TMEM266: variants seen among roughly 807,000 people sequenced by gnomAD.
The protein encoded by TMEM266 is transmembrane protein 266.
Under a neutral mutation model 50.5 loss-of-function variants are expected in TMEM266, and 33 were observed. The ratio of observed to expected loss-of-function variants is 0.65; its 90% CI spans 0.50 to 0.87. The LOEUF (loss-of-function observed/expected upper bound fraction) is 0.87. Among genes scored for constraint, TMEM266 ranks in the 40% least tolerant of loss-of-function variants. The probability of loss-of-function intolerance (pLI) is 0.00; values close to 1 mark genes in which losing one functional copy is unlikely to be tolerated. For synonymous variants in TMEM266, 310 were observed against 292.3 expected (o/e 1.06, Z -0.62); for missense variants, 655 against 695.1 (o/e 0.94, Z 0.65).
intron 1 of TMEM266, among the ~76,000 whole-genome samples, chr15:76,133,857 T>TG (rs1256392626): frequency 6.6e-6 from 1 of 152,174 alleles, no homozygotes; most frequent in Admixed American, 6.5e-5. Flanking sequence ...GATGCTGTTT[T>TG]GGGGGGCACA....
At chr15:76,096,887 G>T (rs1460763607) in intron 1 of TMEM266, among the ~76,000 whole-genome samples, 1 of 144,718 alleles carries the variant, frequency 6.9e-6, no homozygotes, top group African/African-American at 2.6e-5. Context: ...TTTGGTCTTT[G>T]TTTCTTTAAA....
At chr15:76,192,388 C>T (rs917758095) in intron 9 of TMEM266, among the ~76,000 whole-genome samples, 2 of 152,212 alleles carry the variant, frequency 1.3e-5, no homozygotes, top group Non-Finnish European at 2.9e-5. Context: ...ATGACTCGTC[C>T]CCATTTCATG....
Position 76,192,072 on chromosome 15 carries a change from C to A in TMEM266, c.873C>A (p.Arg291=). The A allele has an allele frequency of 6.8e-7, 1 of 1,480,260 alleles. No homozygotes were observed. The highest frequency in any genetic ancestry group is 2.4e-5 in the Admixed American group (1 of 41,036). The allele number at this position is 1,480,260 out of a possible 1,614,324, so 91.7% of individuals were successfully genotyped here. The change falls in exon 9 of 11, where the codon CGC becomes CGA. Residue 291 remains arginine, a synonymous_variant. Coordinates refer to ENST00000388942, the MANE Select transcript of TMEM266 (RefSeq NM_152335.3). Reference sequence around the variant, plus strand: ...CCCCGCACGTGCTCAGCCAGCCGCGCAGCCGCTTCAAAGTGTTGGAGGCCG... The same window carrying A: ...CCCCGCACGTGCTCAGCCAGCCGCGAAGCCGCTTCAAAGTGTTGGAGGCCG...
intron 8 of TMEM266, among the ~76,000 whole-genome samples, chr15:76,179,139 G>T (rs559180093): frequency 3.9e-5 from 6 of 152,314 alleles, no homozygotes; most frequent in Admixed American, 1.3e-4. Context: ...GAATAGACTT[G>T]GTTCTAAATA....
chr15:76,068,301 C>A (rs1369962523), intron 1 of TMEM266, among the ~76,000 whole-genome samples: 4 of 152,194 alleles, frequency 2.6e-5, no homozygotes, highest in Non-Finnish European at 4.4e-5. Flanking sequence ...CACAGATGAT[C>A]TCCAAAATGT....
At chr15:76,181,743 AT>A (rs372058646) in intron 8 of TMEM266, among the ~76,000 whole-genome samples, 12 of 152,190 alleles carry the variant, frequency 7.9e-5, no homozygotes, top group African/African-American at 1.9e-4. Context: ...GCCATTTTAG[AT>A]GCAGCAGTTA....
intron 6 of TMEM266, among the ~76,000 whole-genome samples, chr15:76,170,627 C>A (rs2038172995): frequency 6.6e-6 from 1 of 152,194 alleles, no homozygotes; most frequent in Admixed American, 6.5e-5. Context: ...GAAGGAGGCA[C>A]CCTGAGCCTG....
intron 9 of TMEM266, among the ~76,000 whole-genome samples, chr15:76,199,370 C>CTAATACCTTGATAG (rs2038704217): frequency 6.6e-6 from 1 of 152,224 alleles, no homozygotes; most frequent in South Asian, 2.1e-4. Flanking sequence ...GGAGAACGAT[C>CTAATACCTTGATAG]TAATACCTTG....
At chr15:76,081,996 C>A (rs1051172093) in intron 1 of TMEM266, among the ~76,000 whole-genome samples, 3 of 152,120 alleles carry the variant, frequency 2.0e-5, no homozygotes, top group African/African-American at 7.2e-5. Flanking sequence ...AACTAATGAT[C>A]TTTGTATTCT....
At chr15:76,158,622 A>G (rs893628041) in intron 4 of TMEM266, among the ~76,000 whole-genome samples, 5 of 152,098 alleles carry the variant, frequency 3.3e-5, no homozygotes, top group Admixed American at 3.3e-4. Flanking sequence ...TAAATTCCAT[A>G]AAACGCACAA....
chr15:76,128,761 A>G (rs1279457314), intron 1 of TMEM266, among the ~76,000 whole-genome samples: 1 of 152,174 alleles, frequency 6.6e-6, no homozygotes, highest in African/African-American at 2.4e-5. Context: ...TCTAAATATG[A>G]TTTTACCATC....
rs1412548981 is a variant in TMEM266 at position 76,160,969 on chromosome 15, G to T, written c.456+801G>T. ...GGCTGTCCCAGTGAGACTCTGGCCT[G>T]CATCTGGGTGTGGGAGGAATTGGCT... On this transcript the variant is annotated intron_variant, in intron 5 of 10. Coordinates refer to ENST00000388942, the MANE Select transcript of TMEM266 (RefSeq NM_152335.3). This position sits in a 1 kb window ranked among gnomAD's most constrained non-coding sequence, Gnocchi z 5.7. Among the ~76,000 whole-genome samples, 1 of 152,176 alleles carries T rather than the reference G, an allele frequency of 6.6e-6. No homozygotes were observed.
At chr15:76,115,757 G>A (rs2037237607) in intron 1 of TMEM266, among the ~76,000 whole-genome samples, 1 of 152,172 alleles carries the variant, frequency 6.6e-6, no homozygotes, top group Admixed American at 6.5e-5. Context: ...TCGTATTTGT[G>A]GCCATCCTGC....
In TMEM266 at chr15:76,160,324, C is replaced by T. The variant is rs1407892795; in HGVS notation, c.456+156C>T. ...ACACAATATAGATAGATGATCTCTG[C>T]GGGGGGAAGTGGTACAGGGAGCCCA... is the stretch of plus-strand genomic sequence containing the variant. On this transcript the variant is annotated intron_variant, in intron 5 of 10. Transcript: ENST00000388942. This position sits in a 1 kb window ranked among gnomAD's most constrained non-coding sequence, Gnocchi z 5.7. Among the ~76,000 whole-genome samples, 2 of 152,106 alleles carry T rather than the reference C, an allele frequency of 1.3e-5. No homozygotes were observed. Among genetic ancestry groups the T allele is most frequent in the East Asian group, 1.9e-4 (1 of 5,192 alleles).
At position 76,168,415 on chromosome 15, in the gene TMEM266, A is replaced by G. The variant is rs2038131050; in HGVS notation, c.457-1401A>G. ...AGCTGTGGGTGATGATCCTCCAGGC[A>G]GCTTCGCAGAGTTCAGAAGGCTAGG... On this transcript the variant is annotated intron_variant, in intron 5 of 10. Coordinates refer to ENST00000388942, the MANE Select transcript of TMEM266 (RefSeq NM_152335.3). This position sits in a 1 kb window ranked among gnomAD's most constrained non-coding sequence, Gnocchi z 4.4. Among the ~76,000 whole-genome samples, 1 of 152,228 alleles carries G rather than the reference A, an allele frequency of 6.6e-6. No homozygotes were observed. The highest frequency in any genetic ancestry group is 2.4e-5 in the African/African-American group (1 of 41,466).
Position 76,196,078 on chromosome 15 carries a change from C to T in TMEM266, c.958+3921C>T, listed in dbSNP as rs2038651213. Among the ~76,000 whole-genome samples the T allele has an allele frequency of 2.0e-5, 3 of 152,326 alleles. No homozygotes were observed. In the South Asian group the frequency reaches 6.2e-4, roughly 32 times the overall value. On this transcript the variant is annotated intron_variant, in intron 9 of 10. Coordinates refer to ENST00000388942, the MANE Select transcript of TMEM266 (RefSeq NM_152335.3). Reference sequence around the variant, plus strand: ...AAACTGATAGGCTATGTGTCACCAGCAGGATGTCACGGGGTCTGCAGTGTC... The same window carrying T: ...AAACTGATAGGCTATGTGTCACCAGTAGGATGTCACGGGGTCTGCAGTGTC...
At chr15:76,104,391 T>C (rs1343402883) in intron 1 of TMEM266, among the ~76,000 whole-genome samples, 1 of 152,184 alleles carries the variant, frequency 6.6e-6, no homozygotes, top group Non-Finnish European at 1.5e-5. Flanking sequence ...TAGCCACATA[T>C]GAGCAGGGGC....
At chr15:76,141,527 C>T (rs2037678154) in intron 3 of TMEM266, among the ~76,000 whole-genome samples, 2 of 152,290 alleles carry the variant, frequency 1.3e-5, no homozygotes, top group Admixed American at 6.5e-5. Context: ...GCGTGAGCCA[C>T]AGTGCCTAGC....
intron 5 of TMEM266, among the ~76,000 whole-genome samples, chr15:76,166,720 A>G (rs2038103109): frequency 6.6e-6 from 1 of 152,220 alleles, no homozygotes. Flanking sequence ...AAGAAGCATG[A>G]TGATTCCTCT....
Sources: gnomAD v4.1 joint callset for allele counts (sites outside exome capture counted in the v4.1 genomes callset) on GRCh38, gnomAD v4.1.1 for gene constraint, Gnocchi (gnomAD v3.1) non-coding constraint, MANE v1.5 for transcripts, NCBI Gene and HGNC (gene_info 2026-07-23, HGNC 2026-07-21) for gene names.